The following LRRC74A variants were observed in gnomAD, a reference collection of about 807,000 sequenced individuals.
The protein encoded by LRRC74A is leucine rich repeat containing 74A, also known as leucine-rich repeat-containing protein 74A.
A neutral mutation model predicts 57.9 loss-of-function variants in LRRC74A; 44 were observed. The ratio of observed to expected loss-of-function variants is 0.76; its 90% CI spans 0.60 to 0.98. The LOEUF is 0.98. Ranked by LOEUF, LRRC74A falls within the 50% of genes least tolerant of loss-of-function variation. The pLI is 0.00. For synonymous variants in LRRC74A, 211 were observed against 219.4 expected, an observed-to-expected ratio of 0.96 and a Z score of 0.34; for missense variants, 572 against 574.0, an observed-to-expected ratio of 1.00 and a Z score of 0.04.
intron 4 of LRRC74A, among the ~76,000 whole-genome samples, chr14:76,836,791 C>CAAAA (rs11339843): frequency 1.1e-5 from 1 of 92,908 alleles, no homozygotes; most frequent in African/African-American, 4.3e-5. Context: ...GACTCCATCT[C>CAAAA]AAAAAAAAAA....
At position 76,837,934 on chromosome 14, in the gene LRRC74A, G is replaced by C. The variant is rs760611288; in HGVS notation, c.507G>C (p.Glu169Asp). The C allele has an allele frequency of 6.3e-7, 1 of 1,587,350 alleles. No homozygotes were observed. The highest frequency in any genetic ancestry group is 1.2e-5 in the South Asian group (1 of 86,842). Residue 169 changes from glutamate (E) to aspartate (D), a missense_variant, in exon 5 of 14, where the codon GAG (glutamate) becomes GAC (aspartate). Glu to Asp is a conservative substitution (Grantham distance 45). Coordinates refer to ENST00000689127, the MANE Select transcript of LRRC74A (RefSeq NM_001385106.1). ...CCAGAATCATCTCAGATTTCTTTGAGAGAAACAGTTCTTCTATCTGGAGCC... is the reference window on the plus strand; with the variant it reads ...CCAGAATCATCTCAGATTTCTTTGACAGAAACAGTTCTTCTATCTGGAGCC... ...EGARIISDFFERNSSSIWSLE... is the reference protein window; with the variant it reads ...EGARIISDFFDRNSSSIWSLE...
intron 5 of LRRC74A, 130 bp from the exon 6 acceptor site, chr14:76,844,293 G>T: frequency 2.5e-6 from 2 of 814,296 alleles, no homozygotes; most frequent in South Asian, 1.6e-5. Context: ...GTAAGCCAAT[G>T]CGTCTGGCCC....
chr14:76,854,581 G>A (rs1205778625), intron 9 of LRRC74A, among the ~76,000 whole-genome samples: 1 of 152,144 alleles, frequency 6.6e-6, no homozygotes, highest in Non-Finnish European at 1.5e-5. Context: ...ACTCCAGCCT[G>A]GGTGACAGAG....
rs776242836 is a variant in LRRC74A at position 76,861,947 on chromosome 14, T to C, written c.1200+1108T>C. Among the ~76,000 whole-genome samples the C allele has an allele frequency of 4.6e-5, 7 of 152,102 alleles. No homozygotes were observed. In the South Asian group the frequency reaches 8.3e-4, roughly 18 times the overall value. ...AAATAAAAGAGCTCCCACATGAAAA[T>C]TGTTATGTGAAAAATTCTAGAAGAC... On this transcript the variant is annotated intron_variant, in intron 11 of 13. Transcript: ENST00000689127.
chr14:76,858,740 A>C (rs1157962563), intron 10 of LRRC74A, among the ~76,000 whole-genome samples: 1 of 152,100 alleles, frequency 6.6e-6, no homozygotes. Context: ...GGTGTGTGCC[A>C]ACATGCCAGG....
rs1386147510 is a variant in LRRC74A at position 76,853,284 on chromosome 14, A to G, written c.831A>G (p.Leu277=). The G allele has an allele frequency of 6.2e-7, 1 of 1,613,620 alleles. No individual in the cohort carries two copies. Among genetic ancestry groups the G allele is most frequent in the African/African-American group, 1.3e-5 (1 of 75,016 alleles). Reference sequence around the variant, plus strand: ...TTGGGAATGAGGTGGCTCTGGCCCTAGGGGAAGTCCTCCGACTCAACCGCT... The same window carrying G: ...TTGGGAATGAGGTGGCTCTGGCCCTGGGGGAAGTCCTCCGACTCAACCGCT... ...NGFGNEVALA[L]GEVLRLNRCL... Residue 277 remains leucine (L), a synonymous_variant, in exon 9 of 14, where the codon CTA becomes CTG. Transcript: ENST00000689127.
chr14:76,858,402 C>A (rs1342822227), intron 10 of LRRC74A, among the ~76,000 whole-genome samples: 1 of 152,160 alleles, frequency 6.6e-6, no homozygotes, highest in Non-Finnish European at 1.5e-5. Flanking sequence ...ATCCAAATGT[C>A]CCCTTGATAT....
At chr14:76,832,201 A>G (rs907138025) in intron 3 of LRRC74A, among the ~76,000 whole-genome samples, 8 of 152,260 alleles carry the variant, frequency 5.3e-5, no homozygotes, top group African/African-American at 1.9e-4. Context: ...AGTAAGGACC[A>G]ATACACTGAA....
At chr14:76,863,728 CG>C (rs1278526846) in intron 11 of LRRC74A, among the ~76,000 whole-genome samples, 1 of 152,172 alleles carries the variant, frequency 6.6e-6, no homozygotes, top group East Asian at 1.9e-4. Context: ...GCTAAGCACA[CG>C]GGGGTTTATT....
chr14:76,835,733 A>T (rs1896284609), intron 3 of LRRC74A, among the ~76,000 whole-genome samples: 1 of 152,164 alleles, frequency 6.6e-6, no homozygotes, highest in African/African-American at 2.4e-5. Context: ...ATAATAAATA[A>T]ATGAATACAA....
intron 8 of LRRC74A, 40 bp from the exon 9 acceptor site, chr14:76,853,176 G>T (rs567533195): frequency 1.9e-6 from 3 of 1,553,888 alleles, no homozygotes; most frequent in Non-Finnish European, 2.7e-6. Context: ...TGAGTCACGC[G>T]TAACCTTGAT....
chr14:76,833,567 G>A (rs910268205), intron 3 of LRRC74A, among the ~76,000 whole-genome samples: 5 of 149,574 alleles, frequency 3.3e-5, no homozygotes, highest in Non-Finnish European at 5.9e-5. Context: ...TCAGCCTCCC[G>A]AGTAGCTGGG....
chr14:76,844,382 T>C (rs746490120), intron 5 of LRRC74A, 41 bp from the exon 6 acceptor site: 30 of 1,589,642 alleles, frequency 1.9e-5, no homozygotes, highest in Middle Eastern at 1.7e-4. Flanking sequence ...AAGGGAGCCA[T>C]GGTCTAGCAG....
At chr14:76,845,724 A>G (rs2140282404) in intron 7 of LRRC74A, among the ~76,000 whole-genome samples, 1 of 152,362 alleles carries the variant, frequency 6.6e-6, no homozygotes, top group East Asian at 1.9e-4. Context: ...GAACAACCTT[A>G]AAAGACAAGC....
intron 4 of LRRC74A, among the ~76,000 whole-genome samples, chr14:76,836,525 C>T (rs1009608438): frequency 6.6e-5 from 10 of 152,150 alleles, no homozygotes; most frequent in East Asian, 1.9e-4. Context: ...TATGGCTGGG[C>T]GCGGTGGCTC....
intron 7 of LRRC74A, among the ~76,000 whole-genome samples, chr14:76,846,362 T>G (rs1458416023): frequency 6.6e-6 from 1 of 152,148 alleles, no homozygotes; most frequent in Non-Finnish European, 1.5e-5. Context: ...TTGGTAAACT[T>G]GAAAATGTGT....
chr14:76,827,938 C>T (rs1371127391), intron 1 of LRRC74A, among the ~76,000 whole-genome samples: 1 of 152,166 alleles, frequency 6.6e-6, no homozygotes, highest in Non-Finnish European at 1.5e-5. Flanking sequence ...CACCCTTTCA[C>T]CTGAAAGAGT....
At chr14:76,828,571 C>A in intron 2 of LRRC74A, 152 bp downstream of exon 2, 1 of 1,189,662 alleles carries the variant, frequency 8.4e-7, no homozygotes, top group African/African-American at 1.5e-5. Context: ...CTCGATTTTG[C>A]CTGGAGTCCT....
intron 6 of LRRC74A, 68 bp downstream of exon 6, chr14:76,844,540 T>A: frequency 6.7e-7 from 1 of 1,483,496 alleles, no homozygotes; most frequent in South Asian, 1.2e-5. Context: ...AACCTGGGGC[T>A]GCTATGGGCA....
Sources: allele counts gnomAD v4.1 joint callset (sites outside exome capture counted in the v4.1 genomes callset), GRCh38; gene constraint gnomAD v4.1.1; transcripts MANE v1.5; gene names NCBI Gene and HGNC (gene_info 2026-07-23, HGNC 2026-07-21).